The following STOX2 variants were observed in gnomAD, a reference collection of about 807,000 sequenced individuals.
The protein encoded by STOX2 is storkhead box 2.
In STOX2, 28 loss-of-function variants were observed where a neutral mutation model predicts 60.9. That is an observed-to-expected ratio of 0.46 (90% CI 0.34 to 0.63). The LOEUF is 0.63. Among genes scored for constraint, STOX2 ranks in the 30% least tolerant of loss-of-function variants. The pLI is 0.01. For missense variants in STOX2, 1,024 were observed against 1,187.7 expected, an observed-to-expected ratio of 0.86 and a Z score of 2.03; for synonymous variants, 472 against 463.9, an observed-to-expected ratio of 1.02 and a Z score of -0.22.
intron 1 of STOX2, among the ~76,000 whole-genome samples, chr4:183,920,240 T>C (rs1215687111): frequency 6.6e-6 from 1 of 152,050 alleles, no homozygotes; most frequent in Non-Finnish European, 1.5e-5. Flanking sequence ...CTCCGCCTCC[T>C]GAGTAGCTGG....
At chr4:183,941,628 A>G (rs1742756222) in intron 1 of STOX2, among the ~76,000 whole-genome samples, 1 of 152,170 alleles carries the variant, frequency 6.6e-6, no homozygotes, top group African/African-American at 2.4e-5. Flanking sequence ...TATACCTAAT[A>G]AGTATACTGG....
At position 183,945,181 on chromosome 4, in the gene STOX2, G is replaced by C. The variant is rs572138839; in HGVS notation, c.166+38225G>C. Among the ~76,000 whole-genome samples, 3 of 152,224 alleles carry C rather than the reference G, an allele frequency of 2.0e-5. No individual in the cohort carries two copies. The East Asian group carries it at 5.8e-4, about 29-fold the overall frequency. ...TCATCAATTGTCAGTTTTAGGTGGT[G>C]GCAAGGCAGGTATGTATTTTACACA... On this transcript the variant is annotated intron_variant, in intron 1 of 3. Coordinates refer to ENST00000308497, the MANE Select transcript of STOX2 (RefSeq NM_020225.3).
chr4:183,943,482 A>G (rs912665079), intron 1 of STOX2, among the ~76,000 whole-genome samples: 1 of 152,196 alleles, frequency 6.6e-6, no homozygotes, highest in African/African-American at 2.4e-5. Flanking sequence ...GTTTTAGGAT[A>G]CTGTTCTGCT....
intron 1 of STOX2, among the ~76,000 whole-genome samples, chr4:183,805,303 T>C (rs1738861996): frequency 6.6e-6 from 1 of 152,238 alleles, no homozygotes; most frequent in Non-Finnish European, 1.5e-5. Context: ...TTTAAACCCT[T>C]GTTGCATAGC....
At chr4:183,798,053 T>C in exon 1 of STOX2, 1 of 1,228,804 alleles carries the variant, frequency 8.1e-7, no homozygotes, top group Non-Finnish European at 1.0e-6. Flanking sequence ...ATCCGCTGCC[T>C]GGGTGAGTGC....
intron 1 of STOX2, among the ~76,000 whole-genome samples, chr4:183,912,357 A>T (rs1445300681): frequency 1.3e-5 from 2 of 151,810 alleles, no homozygotes; most frequent in Non-Finnish European, 2.9e-5. Context: ...TCACAGTATA[A>T]CCTCCCTCAC....
chr4:183,834,983 G>T (rs558741784), intron 1 of STOX2, among the ~76,000 whole-genome samples: 1 of 152,306 alleles, frequency 6.6e-6, no homozygotes, highest in Non-Finnish European at 1.5e-5. Context: ...TAGGAAGGAT[G>T]CACAGAGCAG....
At chr4:183,902,781 G>A (rs1560872398), upstream of STOX2, among the ~76,000 whole-genome samples, 2 of 152,166 alleles carry the variant, frequency 1.3e-5, no homozygotes, top group South Asian at 2.1e-4. Flanking sequence ...CAGTTTGGAT[G>A]GATAAATTAC....
chr4:183,825,562 C>T lies in STOX2; in HGVS notation c.364+27507C>T, dbSNP rs959153650. On this transcript the variant is annotated intron_variant, in intron 1 of 2. Coordinates refer to the STOX2 transcript ENST00000513034. The surrounding 1 kb of genome is among the most constrained non-coding windows in gnomAD (Gnocchi z 4.1). ...CACCCTCGCTGTAGGTGTGTGTGTC[C>T]GTGCCTCTGTCCTGCCAACGTGGGT... Among the ~76,000 whole-genome samples the T allele has an allele frequency of 3.3e-5, 5 of 152,166 alleles. No homozygotes were observed. Among genetic ancestry groups the T allele is most frequent in the African/African-American group, 9.7e-5 (4 of 41,436 alleles).
chr4:184,017,344 A>T lies in STOX2; in HGVS notation c.*60A>T. 2 of 1,396,720 alleles carry T rather than the reference A, an allele frequency of 1.4e-6. No individual in the cohort carries two copies. The highest frequency in any genetic ancestry group is 1.9e-6 in the Non-Finnish European group (2 of 1,038,710). The allele number at this position is 1,396,720 out of a possible 1,614,324, so 86.5% of individuals were successfully genotyped here. On this transcript the variant is annotated 3_prime_UTR_variant, in exon 4 of 4. Coordinates refer to ENST00000308497, the MANE Select transcript of STOX2 (RefSeq NM_020225.3). Reference sequence around the variant, plus strand: ...ATACAGCAAAGTTTACGACACTGGGACTGATGTTTACATCTTTGGAAAGAC... The same window carrying T: ...ATACAGCAAAGTTTACGACACTGGGTCTGATGTTTACATCTTTGGAAAGAC...
At chr4:183,912,051 G>T (rs758479099) in intron 1 of STOX2, among the ~76,000 whole-genome samples, 5 of 152,124 alleles carry the variant, frequency 3.3e-5, no homozygotes, top group East Asian at 1.9e-4. Flanking sequence ...ATCAGAAGGC[G>T]TGTGCAACCA....
intron 1 of STOX2, among the ~76,000 whole-genome samples, chr4:183,877,554 G>A (rs746267057): frequency 6.6e-6 from 1 of 152,206 alleles, no homozygotes; most frequent in Non-Finnish European, 1.5e-5. Context: ...TGCATGCTCT[G>A]TATGCGTGCT....
intron 1 of STOX2, among the ~76,000 whole-genome samples, chr4:183,971,571 A>G (rs747597799): frequency 2.0e-5 from 3 of 152,218 alleles, no homozygotes; most frequent in Admixed American, 2.0e-4. Flanking sequence ...CAGAACCACA[A>G]AAAGGAAGCT....
intron 1 of STOX2, among the ~76,000 whole-genome samples, chr4:183,898,971 C>T (rs576504849): frequency 6.6e-6 from 1 of 152,224 alleles, no homozygotes; most frequent in African/African-American, 2.4e-5. Context: ...AGTCTATGGG[C>T]GCCATTTTTC....
intron 1 of STOX2, among the ~76,000 whole-genome samples, chr4:183,844,279 C>T (rs1160689585): frequency 6.6e-6 from 1 of 152,036 alleles, no homozygotes; most frequent in Non-Finnish European, 1.5e-5. Context: ...TTCAGGAAAG[C>T]AACAATTGTT....
intron 1 of STOX2, among the ~76,000 whole-genome samples, chr4:183,926,305 A>G (rs545060217): frequency 6.6e-6 from 1 of 150,396 alleles, no homozygotes. Flanking sequence ...CAAAATGATA[A>G]ATAAGTAAAT....
intron 1 of STOX2, among the ~76,000 whole-genome samples, chr4:183,866,903 CA>C: frequency 6.6e-6 from 1 of 152,228 alleles, no homozygotes; most frequent in African/African-American, 2.4e-5. Flanking sequence ...AACAAACAAA[CA>C]AAAAGAACAA....
intron 1 of STOX2, among the ~76,000 whole-genome samples, chr4:183,830,555 G>T (rs1398459751): frequency 1.3e-5 from 2 of 152,146 alleles, no homozygotes; most frequent in African/African-American, 4.8e-5. Flanking sequence ...CTTTACCTTT[G>T]ACCCTGCCCT....
At chr4:183,948,368 C>T (rs1268039809) in intron 1 of STOX2, among the ~76,000 whole-genome samples, 4 of 151,146 alleles carry the variant, frequency 2.6e-5, no homozygotes, top group Non-Finnish European at 5.9e-5. Flanking sequence ...TAAACTGATA[C>T]ATAGCATCTT....
Sources: gnomAD v4.1 joint callset for allele counts (sites outside exome capture counted in the v4.1 genomes callset) on GRCh38, gnomAD v4.1.1 for gene constraint, Gnocchi (gnomAD v3.1) non-coding constraint, MANE v1.5 for transcripts, NCBI Gene and HGNC (gene_info 2026-07-23, HGNC 2026-07-21) for gene names.